PTCHD4: variants seen among roughly 807,000 people sequenced by gnomAD.
PTCHD4 encodes patched domain-containing protein 4.
A neutral mutation model predicts 58.1 loss-of-function variants in PTCHD4; 33 were observed. The observed-to-expected ratio is 0.57, with a 90% CI of 0.43 to 0.76. The LOEUF (loss-of-function observed/expected upper bound fraction) is 0.76, where lower values mean the gene tolerates loss of function less well. Among genes scored for constraint, PTCHD4 ranks in the 30% least tolerant of loss-of-function variants. PTCHD4 has a pLI of 0.00. For synonymous variants in PTCHD4, 478 were observed against 409.6 expected (o/e 1.17, Z -2.02); for missense variants, 1,058 against 1,027.1 (o/e 1.03, Z -0.41).
chr6:47,977,596 G>A (rs892528571), intron 4 of PTCHD4, among the ~76,000 whole-genome samples: 13 of 152,088 alleles, frequency 8.5e-5, no homozygotes, highest in African/African-American at 2.9e-4. Flanking sequence ...ACTCATTATG[G>A]CCATGCCCAG....
At chr6:47,945,591 A>T (rs779463695) in intron 4 of PTCHD4, among the ~76,000 whole-genome samples, 142 of 152,118 alleles carry the variant, frequency 9.3e-4, no homozygotes, top group Admixed American at 9.8e-4. Flanking sequence ...TTATTTTCTA[A>T]GAACTGATTT....
intron 3 of PTCHD4, among the ~76,000 whole-genome samples, chr6:48,013,681 C>T (rs1762771602): frequency 2.0e-5 from 3 of 151,896 alleles, no homozygotes. Context: ...TTAGCTCCAC[C>T]CTTGTTTCTA....
In PTCHD4 at chr6:47,982,810, T is replaced by A. The variant is rs200845219; in HGVS notation, c.898+25824A>T. On this transcript the variant is annotated intron_variant, in intron 4 of 4. Coordinates refer to ENST00000339488, the MANE Select transcript of PTCHD4 (RefSeq NM_001384253.1). ...CCGTCTGTTTTATCTCTTTAGCCCC[T>A]CTACCTAGCACAACACCTAGCAGAT... Among the ~76,000 whole-genome samples the A allele has an allele frequency of 3.0e-4, 45 of 152,278 alleles. No individual in the cohort carries two copies. The East Asian group carries it at 7.3e-3, about 25-fold the overall frequency.
intron 4 of PTCHD4, among the ~76,000 whole-genome samples, chr6:47,881,296 C>T (rs186706186): frequency 1.3e-5 from 2 of 152,144 alleles, no homozygotes; most frequent in Non-Finnish European, 2.9e-5. Flanking sequence ...GCTAACTGAC[C>T]TGTATAATTC....
chr6:48,037,025 A>C (rs541016853), intron 3 of PTCHD4, among the ~76,000 whole-genome samples: 1 of 152,268 alleles, frequency 6.6e-6, no homozygotes, highest in African/African-American at 2.4e-5. Flanking sequence ...ATTTACTGCA[A>C]GTAAAGGATG....
At position 47,964,503 on chromosome 6, in the gene PTCHD4, G is replaced by A. The variant is rs189265346; in HGVS notation, c.898+44131C>T. On this transcript the variant is annotated intron_variant, in intron 4 of 4. Transcript: ENST00000339488. ...TCATATGGACCTGCCTAACTATTGG[G>A]GGCTGGAAATTGTATAAGTACAAAT... 2.1e-3 allele frequency among the ~76,000 whole-genome samples: 312 copies of A among 152,104 alleles called. 4 individuals carry two copies. Among genetic ancestry groups the A allele is most frequent in the African/African-American group, 7.0e-3 (289 of 41,496 alleles).
At chr6:47,884,812 G>C (rs1176813634) in intron 4 of PTCHD4, among the ~76,000 whole-genome samples, 1 of 152,168 alleles carries the variant, frequency 6.6e-6, no homozygotes, top group African/African-American at 2.4e-5. Context: ...TTCTTCCTGA[G>C]GGATCAGGGA....
rs1763360592 is a variant in PTCHD4, at chr6:47,859,050, G to A, written c.*19253C>T. ...TAAATTATTCATTTTGAGGGAAGAAGGAAATGTTCCTGAGCATCAGATAAT... is the reference window on the plus strand; with the variant it reads ...TAAATTATTCATTTTGAGGGAAGAAAGAAATGTTCCTGAGCATCAGATAAT... On this transcript the variant is annotated 3_prime_UTR_variant, in exon 5 of 5. Coordinates refer to ENST00000339488, the MANE Select transcript of PTCHD4 (RefSeq NM_001384253.1). 6.6e-6 allele frequency among the ~76,000 whole-genome samples: 1 copy of A among 152,024 alleles called. No individual in the cohort carries two copies. Among genetic ancestry groups the A allele is most frequent in the Non-Finnish European group, 1.5e-5 (1 of 67,966 alleles).
Position 47,879,018 on chromosome 6 carries a change from T to C in PTCHD4, c.1817A>G (p.Tyr606Cys). ...GTCTCTGCTAGTCCTGGCCACCAGA[T>C]ACAAGCGAGAAGCAATGATATTGCT... is the stretch of plus-strand genomic sequence containing the variant. The part of the protein sequence containing the change: ...DESNIIASRL[Y>C]LVARTSRDKQ... The change falls in exon 5 of 5, where the codon TAT (tyrosine) becomes TGT (cysteine). Residue 606 changes from tyrosine (Y) to cysteine (C), a missense_variant. Transcript: ENST00000339488. The C allele has an allele frequency of 1.2e-6, 2 of 1,613,482 alleles. No homozygotes were observed. The highest frequency in any genetic ancestry group is 2.2e-5 in the East Asian group (1 of 44,852).
intron 4 of PTCHD4, among the ~76,000 whole-genome samples, chr6:48,001,742 A>G (rs1330431315): frequency 6.6e-6 from 1 of 152,234 alleles, no homozygotes; most frequent in Non-Finnish European, 1.5e-5. Context: ...TGGCAACAAA[A>G]GCCAAAATTG....
chr6:47,901,338 G>T, intron 4 of PTCHD4: 1 of 616,302 alleles, frequency 1.6e-6, no homozygotes, highest in Non-Finnish European at 2.0e-6. Context: ...TCTGGTTTTA[G>T]TATCAGGGTA....
At chr6:48,102,168 A>G (rs1765617950) in intron 1 of PTCHD4, among the ~76,000 whole-genome samples, 1 of 152,186 alleles carries the variant, frequency 6.6e-6, no homozygotes, top group South Asian at 2.1e-4. Context: ...GGATGTAGCA[A>G]ACTCCTCACT....
At chr6:48,000,803 G>A (rs1159540375) in intron 4 of PTCHD4, among the ~76,000 whole-genome samples, 1 of 152,112 alleles carries the variant, frequency 6.6e-6, no homozygotes, top group Non-Finnish European at 1.5e-5. Flanking sequence ...CCTACTCAGT[G>A]GCATTGCTTC....
intron 3 of PTCHD4, among the ~76,000 whole-genome samples, chr6:48,055,031 G>A (rs1022116754): frequency 6.6e-6 from 1 of 152,136 alleles, no homozygotes; most frequent in Non-Finnish European, 1.5e-5. Context: ...CATACAGCAA[G>A]TAAGTGGAGA....
rs57323341 is a variant in PTCHD4 at position 47,864,315 on chromosome 6, TAC to T, written c.*13986_*13987del. ...GCCCATTATTTTTGAGATATATATA[TAC>T]ACACACACACACATATATATATATG... is the stretch of plus-strand genomic sequence containing the variant. On this transcript the variant is annotated 3_prime_UTR_variant, in exon 5 of 5. Coordinates refer to ENST00000339488, the MANE Select transcript of PTCHD4 (RefSeq NM_001384253.1). Among the ~76,000 whole-genome samples, 1 of 148,784 alleles carries T rather than the reference TAC, an allele frequency of 6.7e-6. No homozygotes were observed. Among genetic ancestry groups the T allele is most frequent in the African/African-American group, 2.5e-5 (1 of 40,622 alleles).
intron 3 of PTCHD4, among the ~76,000 whole-genome samples, chr6:48,022,468 T>C (rs1352586987): frequency 6.6e-6 from 1 of 152,124 alleles, no homozygotes; most frequent in African/African-American, 2.4e-5. Context: ...GTCTGTACAA[T>C]TGTTCCTTAC....
intron 1 of PTCHD4, among the ~76,000 whole-genome samples, chr6:48,093,688 T>C (rs986456030): frequency 1.3e-5 from 2 of 152,132 alleles, no homozygotes; most frequent in African/African-American, 4.8e-5. Flanking sequence ...CTTACTACAT[T>C]GTCACCCCTT....
Position 47,857,394 on chromosome 6 carries a change from C to A in PTCHD4, c.*20909G>T, listed in dbSNP as rs1763330231. 6.6e-6 allele frequency among the ~76,000 whole-genome samples: 1 copy of A among 152,036 alleles called. No homozygotes were observed. The highest frequency in any genetic ancestry group is 1.5e-5 in the Non-Finnish European group (1 of 67,988). On this transcript the variant is annotated 3_prime_UTR_variant, in exon 5 of 5. Transcript: ENST00000339488. ...GTGATAGTACATCATTAAAAAGTAT[C>A]TTGCTTCTTAAAACTTCTGCACTGC...
At position 47,869,176 on chromosome 6, in the gene PTCHD4, G is replaced by T. The variant is rs1162644709; in HGVS notation, c.*9127C>A. ...CCACATTATTCATCAAAATACAGTG[G>T]ACTTGGATATTGAAATATTTAACAT... On this transcript the variant is annotated 3_prime_UTR_variant, in exon 5 of 5. Transcript: ENST00000339488. 6.6e-6 allele frequency among the ~76,000 whole-genome samples: 1 copy of T among 151,702 alleles called. No homozygotes were observed. The highest frequency in any genetic ancestry group is 1.9e-4 in the East Asian group (1 of 5,150).
Sources: allele counts gnomAD v4.1 joint callset (sites outside exome capture counted in the v4.1 genomes callset), GRCh38; gene constraint gnomAD v4.1.1; transcripts MANE v1.5; gene names NCBI Gene and HGNC (gene_info 2026-07-23, HGNC 2026-07-21).